PDZRN4: variants seen among roughly 807,000 people sequenced by gnomAD.
PDZRN4 encodes PDZ domain-containing RING finger protein 4.
A neutral mutation model predicts 99.0 loss-of-function variants in PDZRN4; 70 were observed. The observed-to-expected ratio is 0.71, with a 90% CI of 0.58 to 0.86. PDZRN4 has a LOEUF of 0.86. Ranked by LOEUF, PDZRN4 falls within the 40% of genes least tolerant of loss-of-function variation. The probability of loss-of-function intolerance (pLI) is 0.00; values close to 1 mark genes in which losing one functional copy is unlikely to be tolerated. For missense variants in PDZRN4, 1,474 were observed against 1,331.2 expected (o/e 1.11, Z -1.67); for synonymous variants, 551 against 501.6 (o/e 1.10, Z -1.32).
chr12:41,540,150 C>G (rs1015648057), intron 5 of PDZRN4, among the ~76,000 whole-genome samples: 2 of 152,128 alleles, frequency 1.3e-5, no homozygotes, highest in East Asian at 3.8e-4. Flanking sequence ...AATCATACAT[C>G]AATTCAGGAT....
chr12:41,254,991 G>T (rs1452882183), intron 3 of PDZRN4, among the ~76,000 whole-genome samples: 2 of 152,132 alleles, frequency 1.3e-5, no homozygotes, highest in African/African-American at 4.8e-5. Context: ...GAAGTGGGAG[G>T]ATTGCTTGAG....
At chr12:41,411,068 T>TATATATATATATATATATA (rs1555141008) in intron 3 of PDZRN4, among the ~76,000 whole-genome samples, 23 of 84,006 alleles carry the variant, frequency 2.7e-4, no homozygotes, top group African/African-American at 1.3e-3. Context: ...TATATATATA[T>TATATATATATATATATATA]TTTTTTTTTA....
intron 3 of PDZRN4, among the ~76,000 whole-genome samples, chr12:41,237,538 T>C (rs1182376000): frequency 6.6e-6 from 1 of 152,214 alleles, no homozygotes; most frequent in Non-Finnish European, 1.5e-5. Flanking sequence ...ATGAAATATT[T>C]GCCCATACCT....
intron 3 of PDZRN4, among the ~76,000 whole-genome samples, chr12:41,217,638 C>A (rs569365220): frequency 1.8e-4 from 27 of 152,134 alleles, no homozygotes; most frequent in Admixed American, 1.2e-3. Flanking sequence ...ATCAGTTTAG[C>A]CTGAAAGAAG....
intron 3 of PDZRN4, among the ~76,000 whole-genome samples, chr12:41,264,061 CTT>C (rs1376670239): frequency 1.3e-5 from 2 of 152,044 alleles, no homozygotes; most frequent in African/African-American, 4.8e-5. Flanking sequence ...TATGTGCAGA[CTT>C]ATAAATTTAC....
intron 3 of PDZRN4, among the ~76,000 whole-genome samples, chr12:41,375,242 C>A (rs931275103): frequency 1.3e-5 from 2 of 152,154 alleles, no homozygotes; most frequent in African/African-American, 2.4e-5. Flanking sequence ...AGAAACTATA[C>A]AAGATAGTGT....
At chr12:41,246,663 C>G (rs1002718658) in intron 3 of PDZRN4, among the ~76,000 whole-genome samples, 15 of 152,174 alleles carry the variant, frequency 9.9e-5, no homozygotes, top group Non-Finnish European at 1.9e-4. Flanking sequence ...AATTTTCCTA[C>G]AGCAACTGTT....
chr12:41,518,686 T>C (rs148857104), intron 5 of PDZRN4, among the ~76,000 whole-genome samples: 1 of 152,230 alleles, frequency 6.6e-6, no homozygotes, highest in East Asian at 1.9e-4. Context: ...GTATTTCCTT[T>C]ATTATTATAT....
At chr12:41,210,109 AT>A (rs1206798195) in intron 3 of PDZRN4, among the ~76,000 whole-genome samples, 1 of 151,920 alleles carries the variant, frequency 6.6e-6, no homozygotes, top group African/African-American at 2.4e-5. Context: ...GATGATGAGC[AT>A]TTTTTCATGT....
chr12:41,399,667 C>A (rs552406624), intron 3 of PDZRN4, among the ~76,000 whole-genome samples: 123 of 150,890 alleles, frequency 8.2e-4, no homozygotes, highest in African/African-American at 2.9e-3. Flanking sequence ...ACCCAGGGGG[C>A]AGAGGTTGTA....
chr12:41,210,511 T>C (rs1213528094), intron 3 of PDZRN4, among the ~76,000 whole-genome samples: 1 of 152,022 alleles, frequency 6.6e-6, no homozygotes, highest in Non-Finnish European at 1.5e-5. Flanking sequence ...GTTTTAAAAA[T>C]TGAAGAAAAT....
rs1242121637 is a variant in PDZRN4 at position 41,411,065 on chromosome 12, A to AT, written c.844-95390dup. 9.6e-3 allele frequency among the ~76,000 whole-genome samples: 975 copies of AT among 101,182 alleles called. 19 individuals are homozygous for AT. Among genetic ancestry groups the AT allele is most frequent in the African/African-American group, 0.033 (764 of 22,920 alleles). The allele number at this position is 101,182 out of a possible 152,430, so 66.4% of individuals were successfully genotyped here. A position where few individuals can be genotyped will look rare whatever the true frequency, so the allele number is the denominator to read the frequency against. On this transcript the variant is annotated intron_variant, in intron 3 of 9. Transcript: ENST00000402685. ...AGCTTTAAAATATATATATATATATATATTTTTTTTTTATTTGTAAAGATA... is the reference window on the plus strand; with the variant it reads ...AGCTTTAAAATATATATATATATATATTATTTTTTTTTTATTTGTAAAGATA...
intron 3 of PDZRN4, among the ~76,000 whole-genome samples, chr12:41,223,717 A>G (rs1268320341): frequency 6.6e-6 from 1 of 152,182 alleles, no homozygotes; most frequent in Non-Finnish European, 1.5e-5. Context: ...CAGCAGAGCT[A>G]GCAAGAGGCG....
At chr12:41,548,623 T>C (rs1250194017) in intron 5 of PDZRN4, among the ~76,000 whole-genome samples, 1 of 152,214 alleles carries the variant, frequency 6.6e-6, no homozygotes, top group Admixed American at 6.5e-5. Context: ...GGAAAATCTT[T>C]ATGGCATGCA....
At chr12:41,353,569 T>C (rs1240215545) in intron 3 of PDZRN4, among the ~76,000 whole-genome samples, 2 of 152,054 alleles carry the variant, frequency 1.3e-5, no homozygotes, top group African/African-American at 4.8e-5. Context: ...GGCACCTACA[T>C]CCAGTCTGTG....
At chr12:41,549,066 G>C (rs895694778) in intron 5 of PDZRN4, among the ~76,000 whole-genome samples, 1 of 152,150 alleles carries the variant, frequency 6.6e-6, no homozygotes, top group Non-Finnish European at 1.5e-5. Context: ...TGTGTGAAGT[G>C]ATTCTTTCAC....
At chr12:41,232,682 C>T (rs1383012051) in intron 3 of PDZRN4, among the ~76,000 whole-genome samples, 1 of 152,050 alleles carries the variant, frequency 6.6e-6, no homozygotes. Context: ...TAACTAGATC[C>T]CATTTGTCAA....
chr12:41,373,052 C>A (rs546106627), intron 3 of PDZRN4, among the ~76,000 whole-genome samples: 185 of 152,098 alleles, frequency 1.2e-3, no homozygotes, highest in Non-Finnish European at 2.0e-3. Flanking sequence ...GTGATGCCCC[C>A]CAAGCTGCAA....
chr12:41,390,987 T>C (rs1266770308), intron 3 of PDZRN4, among the ~76,000 whole-genome samples: 1 of 152,174 alleles, frequency 6.6e-6, no homozygotes, highest in East Asian at 1.9e-4. Context: ...TAATGGTATC[T>C]CCCCACTATC....
Sources: allele counts gnomAD v4.1 joint callset (sites outside exome capture counted in the v4.1 genomes callset), GRCh38; gene constraint gnomAD v4.1.1; transcripts MANE v1.5; gene names NCBI Gene and HGNC (gene_info 2026-07-23, HGNC 2026-07-21).